The following STK39 variants were observed in gnomAD, a reference collection of about 807,000 sequenced individuals.
The protein encoded by STK39 is serine/threonine kinase 39.
Under a neutral mutation model 77.8 loss-of-function variants are expected in STK39, and 20 were observed. That is an observed-to-expected ratio of 0.26 (90% CI 0.18 to 0.37). The LOEUF (loss-of-function observed/expected upper bound fraction) is 0.37. Among genes scored for constraint, STK39 ranks in the 10% least tolerant of loss-of-function variants. The pLI, the probability that STK39 is intolerant of heterozygous loss-of-function variation, is 1.00. For missense variants in STK39, 479 were observed against 656.5 expected (o/e 0.73, Z 2.95); for synonymous variants, 246 against 234.1 (o/e 1.05, Z -0.47).
At chr2:168,009,127 T>C (rs1159687935) in intron 16 of STK39, among the ~76,000 whole-genome samples, 1 of 152,124 alleles carries the variant, frequency 6.6e-6, no homozygotes, top group Non-Finnish European at 1.5e-5. Flanking sequence ...GCCAGGGCAA[T>C]TGTCTTTGAT....
chr2:168,054,136 T>G (rs1685463785), intron 14 of STK39, among the ~76,000 whole-genome samples: 1 of 152,218 alleles, frequency 6.6e-6, no homozygotes, highest in Admixed American at 6.5e-5. Context: ...AAAGAATATT[T>G]ATGTGAAACG....
intron 1 of STK39, among the ~76,000 whole-genome samples, chr2:168,210,298 C>T (rs760537231): frequency 3.3e-5 from 5 of 152,192 alleles, no homozygotes; most frequent in African/African-American, 2.4e-5. Flanking sequence ...AATTGCAATG[C>T]AAATATCAAA....
intron 8 of STK39, among the ~76,000 whole-genome samples, chr2:168,135,078 C>A (rs1687795738): frequency 6.6e-6 from 1 of 152,114 alleles, no homozygotes; most frequent in African/African-American, 2.4e-5. Context: ...ATAATACAAA[C>A]CAGACACTGG....
chr2:168,136,236 A>G (rs1386255456), intron 8 of STK39, among the ~76,000 whole-genome samples: 1 of 150,524 alleles, frequency 6.6e-6, no homozygotes, highest in Non-Finnish European at 1.5e-5. Flanking sequence ...TGGCGTGGTG[A>G]CACACGCCTG....
intron 16 of STK39, among the ~76,000 whole-genome samples, chr2:167,988,383 C>T (rs1429984467): frequency 3.3e-5 from 5 of 152,128 alleles, no homozygotes; most frequent in African/African-American, 1.2e-4. Context: ...TCAAAAAGCT[C>T]TCCATGTTTT....
intron 5 of STK39, among the ~76,000 whole-genome samples, chr2:168,149,816 G>A (rs1005569145): frequency 6.6e-6 from 1 of 152,224 alleles, no homozygotes; most frequent in African/African-American, 2.4e-5. Flanking sequence ...CATCTCAAGG[G>A]GGAAGAAAAC....
intron 1 of STK39, among the ~76,000 whole-genome samples, chr2:168,202,700 T>G (rs868450189): frequency 6.6e-6 from 1 of 151,880 alleles, no homozygotes; most frequent in Non-Finnish European, 1.5e-5. Flanking sequence ...TGTGCCTGGA[T>G]TGGATCACTA....
rs192578441 is a variant in STK39, at chr2:168,141,375, G to A, written c.629-617C>T. ...AAAACCAGAAATCTGAAATGTACCC[G>A]TGAACATTTCCTTTGAATGTCACCT... On this transcript the variant is annotated intron_variant, in intron 5 of 17. Coordinates refer to ENST00000355999, the MANE Select transcript of STK39 (RefSeq NM_013233.3). 5.9e-5 allele frequency among the ~76,000 whole-genome samples: 9 copies of A among 152,198 alleles called. No homozygotes were observed. In the East Asian group the frequency reaches 9.6e-4, roughly 16 times the overall value.
At chr2:168,175,132 G>T (rs925495122) in intron 2 of STK39, among the ~76,000 whole-genome samples, 2 of 151,966 alleles carry the variant, frequency 1.3e-5, no homozygotes, top group African/African-American at 4.8e-5. Flanking sequence ...TCCTTTTTCA[G>T]CAACAGCTTA....
intron 1 of STK39, among the ~76,000 whole-genome samples, chr2:168,193,438 T>G (rs1689389851): frequency 1.3e-5 from 2 of 152,174 alleles, no homozygotes; most frequent in African/African-American, 2.4e-5. Context: ...AAAAGTAGTG[T>G]CTTGGCAACC....
In STK39 at chr2:168,210,082, A is replaced by AAGGAAGGAAGGAAGGAAGGAAGGAAGG. The variant is rs1207757423; in HGVS notation, c.209-27993_209-27992insCCTTCCTTCCTTCCTTCCTTCCTTCCT. Among the ~76,000 whole-genome samples, 4 of 129,046 alleles carry AAGGAAGGAAGGAAGGAAGGAAGGAAGG rather than the reference A, an allele frequency of 3.1e-5. No homozygotes were observed. In the East Asian group the frequency reaches 9.0e-4, roughly 29 times the overall value. 84.7% of individuals were successfully genotyped at this position (129,046 alleles called of 152,430 possible). A position where few individuals can be genotyped will look rare whatever the true frequency, so the allele number is the denominator to read the frequency against. ...GGAAGGAAGGAAGGAAGGAAGGAAG[A>AAGGAAGGAAGGAAGGAAGGAAGGAAGG]AAGAAACTCATGTAATTAGAAAAAC... On this transcript the variant is annotated intron_variant, in intron 1 of 17. Transcript: ENST00000355999.
At chr2:168,194,829 C>G (rs1247334765) in intron 1 of STK39, among the ~76,000 whole-genome samples, 4 of 152,108 alleles carry the variant, frequency 2.6e-5, no homozygotes, top group African/African-American at 7.2e-5. Context: ...TCAACCTATA[C>G]AAGTTACTGG....
chr2:167,991,225 T>C (rs1258944998), intron 16 of STK39, among the ~76,000 whole-genome samples: 1 of 152,228 alleles, frequency 6.6e-6, no homozygotes, highest in Non-Finnish European at 1.5e-5. Flanking sequence ...TCCCCAGTGA[T>C]AGGACTGGTC....
intron 16 of STK39, among the ~76,000 whole-genome samples, chr2:167,967,962 A>G (rs1042994059): frequency 2.2e-5 from 3 of 138,174 alleles, no homozygotes; most frequent in African/African-American, 5.3e-5. Flanking sequence ...TCCCCCCTCA[A>G]GTAGGCCCTG....
At chr2:167,969,337 T>A (rs1258634327) in intron 16 of STK39, among the ~76,000 whole-genome samples, 1 of 152,188 alleles carries the variant, frequency 6.6e-6, no homozygotes, top group African/African-American at 2.4e-5. Context: ...GTGTGTTACC[T>A]CCTTGAGCAA....
At chr2:168,072,856 G>C (rs574810388) in intron 12 of STK39, among the ~76,000 whole-genome samples, 1 of 152,286 alleles carries the variant, frequency 6.6e-6, no homozygotes, top group Admixed American at 6.5e-5. Flanking sequence ...CAAATGTCAA[G>C]GCTGTCAAAG....
Position 167,956,690 on chromosome 2 carries a change from A to ACACACACACACACACC in STK39, c.1564-1121_1564-1120insGGTGTGTGTGTGTGTG, listed in dbSNP as rs1691781262. Among the ~76,000 whole-genome samples, 3 of 45,912 alleles carry ACACACACACACACACC rather than the reference A, an allele frequency of 6.5e-5. 1 individual carries two copies. Among genetic ancestry groups the ACACACACACACACACC allele is most frequent in the Non-Finnish European group, 1.4e-4 (3 of 21,860 alleles). The allele number at this position is 45,912 out of a possible 152,430, so 30.1% of individuals were successfully genotyped here. ...TAGACACACACACACACACACACAC[A>ACACACACACACACACC]CACACACTCTCTCTCTCTCTCTCTC... On this transcript the variant is annotated intron_variant, in intron 17 of 17. Transcript: ENST00000355999.
In STK39 at chr2:168,161,692, A is replaced by G. The variant is rs533208123; in HGVS notation, c.628+95T>C. 2.0e-5 allele frequency: 16 copies of G among 811,734 alleles called. No homozygotes were observed. In the African/African-American group the frequency reaches 2.8e-4, roughly 14 times the overall value. The allele number at this position is 811,734 out of a possible 1,614,324, so 50.3% of individuals were successfully genotyped here. ...AAATATCATTCTGAAAAGAGATTAC[A>G]TGCATTTATTCATTTCTCAGGAATG... On this transcript the variant is annotated intron_variant, in intron 5 of 17. Coordinates refer to ENST00000355999, the MANE Select transcript of STK39 (RefSeq NM_013233.3).
At position 167,954,903 on chromosome 2, in the gene STK39, C is replaced by A. The variant is rs1419481380; in HGVS notation, c.*593G>T. On this transcript the variant is annotated 3_prime_UTR_variant, in exon 18 of 18. Transcript: ENST00000355999. ...CTGCAAGAAGCATATAATCAAAACC[C>A]TTTTTTTCTTATAGCTAAGGTGTGT... 6.6e-6 allele frequency: 1 copy of A among 152,516 alleles called. No individual in the cohort carries two copies. Among genetic ancestry groups the A allele is most frequent in the East Asian group, 1.9e-4 (1 of 5,196 alleles). 9.4% of individuals were successfully genotyped at this position (152,516 alleles called of 1,614,324 possible).
Sources: allele counts gnomAD v4.1 joint callset (sites outside exome capture counted in the v4.1 genomes callset), GRCh38; gene constraint gnomAD v4.1.1; transcripts MANE v1.5; gene names NCBI Gene and HGNC (gene_info 2026-07-23, HGNC 2026-07-21).